COMMD1: variants seen among roughly 807,000 people sequenced by gnomAD.
COMMD1 encodes copper metabolism domain containing 1, also known as COMM domain-containing protein 1.
A neutral mutation model predicts 17.2 loss-of-function variants in COMMD1; 10 were observed. The observed-to-expected ratio is 0.58, with a 90% CI of 0.36 to 0.99. The LOEUF (loss-of-function observed/expected upper bound fraction) is 0.99, where lower values mean the gene tolerates loss of function less well. COMMD1 is among the 50% of genes least tolerant of loss of function. The pLI, the probability that COMMD1 is intolerant of heterozygous loss-of-function variation, is 0.01. For synonymous variants in COMMD1, 97 were observed against 91.6 expected (o/e 1.06, Z -0.34); for missense variants, 270 against 231.8 (o/e 1.17, Z -1.07).
chr2:62,114,491 T>A (rs1196490941), intron 2 of COMMD1, among the ~76,000 whole-genome samples: 1 of 152,230 alleles, frequency 6.6e-6, no homozygotes, highest in Non-Finnish European at 1.5e-5. Context: ...AATATTAAAA[T>A]TATCTCCCAA....
chr2:62,044,024 A>G (rs1670308026), intron 2 of COMMD1, among the ~76,000 whole-genome samples: 1 of 152,162 alleles, frequency 6.6e-6, no homozygotes, highest in Non-Finnish European at 1.5e-5. Flanking sequence ...CATTTTCCAC[A>G]CAAAAATCAT....
At chr2:62,082,764 G>A (rs966093337) in intron 2 of COMMD1, among the ~76,000 whole-genome samples, 1 of 152,102 alleles carries the variant, frequency 6.6e-6, no homozygotes, top group Non-Finnish European at 1.5e-5. Context: ...GGAGGCTGAG[G>A]CAGAAGAATT....
At chr2:61,984,043 A>T (rs1289689494) in intron 1 of COMMD1, among the ~76,000 whole-genome samples, 2 of 152,130 alleles carry the variant, frequency 1.3e-5, no homozygotes, top group Non-Finnish European at 2.9e-5. Context: ...CTGTTGTTTG[A>T]GACAGAGTCT....
At chr2:62,079,074 C>T (rs745461774) in intron 2 of COMMD1, among the ~76,000 whole-genome samples, 2 of 152,158 alleles carry the variant, frequency 1.3e-5, no homozygotes, top group African/African-American at 4.8e-5. Flanking sequence ...CAGTCTTTCA[C>T]GTTAAATTTT....
At chr2:62,035,640 T>G (rs1670017501) in intron 2 of COMMD1, among the ~76,000 whole-genome samples, 1 of 149,680 alleles carries the variant, frequency 6.7e-6, no homozygotes, top group South Asian at 2.1e-4. Flanking sequence ...TTGGGAGGCT[T>G]GGGTGGGAGG....
intron 2 of COMMD1, among the ~76,000 whole-genome samples, chr2:62,047,465 T>C (rs1042265839): frequency 6.6e-6 from 1 of 150,526 alleles, no homozygotes; most frequent in African/African-American, 2.5e-5. Context: ...TCTTTCTTTC[T>C]TCCTTTCTTT....
intron 1 of COMMD1, among the ~76,000 whole-genome samples, chr2:61,898,921 T>C (rs556819770): frequency 6.6e-6 from 1 of 152,330 alleles, no homozygotes; most frequent in South Asian, 2.1e-4. Flanking sequence ...TAAAACTTTG[T>C]ACTTGGATCC....
chr2:62,045,976 A>G lies in COMMD1; in HGVS notation c.462+44994A>G, dbSNP rs577522300. On this transcript the variant is annotated intron_variant, in intron 2 of 2. Transcript: ENST00000311832. Reference sequence around the variant, plus strand: ...GGTCTCAAACTCCTCATCTCAGGTGATCTGCCTGTCTTGGCCTCCCAAAGT... The same window carrying G: ...GGTCTCAAACTCCTCATCTCAGGTGGTCTGCCTGTCTTGGCCTCCCAAAGT... Among the ~76,000 whole-genome samples, 270 of 152,166 alleles carry G rather than the reference A, an allele frequency of 1.8e-3. 1 individual carries two copies. The highest frequency in any genetic ancestry group is 6.1e-3 in the African/African-American group (255 of 41,522).
chr2:62,104,912 G>C (rs1227910076), intron 2 of COMMD1, among the ~76,000 whole-genome samples: 1 of 151,934 alleles, frequency 6.6e-6, no homozygotes, highest in African/African-American at 2.4e-5. Context: ...GATCACCCGA[G>C]GTCAGGAGTT....
At chr2:62,049,068 C>G (rs1452868636) in intron 2 of COMMD1, among the ~76,000 whole-genome samples, 4 of 152,066 alleles carry the variant, frequency 2.6e-5, no homozygotes, top group Admixed American at 2.6e-4. Flanking sequence ...AATCACATTA[C>G]ATGCAATAGA....
chr2:61,934,615 C>G (rs190826137), intron 1 of COMMD1, among the ~76,000 whole-genome samples: 16 of 152,072 alleles, frequency 1.1e-4, no homozygotes, highest in Admixed American at 1.0e-3. Context: ...GAAAAAATTT[C>G]AATTAATTCA....
chr2:62,023,382 A>T (rs981496643), intron 2 of COMMD1, among the ~76,000 whole-genome samples: 4 of 152,126 alleles, frequency 2.6e-5, no homozygotes, highest in African/African-American at 9.7e-5. Flanking sequence ...AAAGAGAAAA[A>T]CTGAATGTGT....
intron 2 of COMMD1, among the ~76,000 whole-genome samples, chr2:62,019,060 TTC>T (rs1177842369): frequency 8.8e-5 from 10 of 113,028 alleles, no homozygotes; most frequent in African/African-American, 4.5e-4. Flanking sequence ...CTTCCTTTCT[TTC>T]TCTCTCTCTT....
intron 2 of COMMD1, among the ~76,000 whole-genome samples, chr2:62,068,620 CTTTT>C (rs67517468): frequency 1.1e-5 from 1 of 89,240 alleles, no homozygotes; most frequent in Non-Finnish European, 2.1e-5. Flanking sequence ...GTAGTATAAT[CTTTT>C]TTTTTTTTTT....
intron 1 of COMMD1, among the ~76,000 whole-genome samples, chr2:61,939,282 T>C (rs1221097311): frequency 7.0e-6 from 1 of 142,494 alleles, no homozygotes; most frequent in African/African-American, 2.7e-5. Flanking sequence ...TGAAACCCAG[T>C]CTCTACTAAA....
chr2:62,047,311 AG>A (rs1670408798), intron 2 of COMMD1, among the ~76,000 whole-genome samples: 1 of 152,184 alleles, frequency 6.6e-6, no homozygotes, highest in South Asian at 2.1e-4. Context: ...TACTTTATTT[AG>A]TGTAGTCTAA....
intron 2 of COMMD1, among the ~76,000 whole-genome samples, chr2:62,075,839 T>G (rs142839144): frequency 2.0e-5 from 3 of 152,208 alleles, no homozygotes; most frequent in African/African-American, 7.2e-5. Context: ...TTTCTTGACA[T>G]CTGATTTGTA....
In COMMD1 at chr2:62,000,919, G is replaced by A; in HGVS notation, c.399G>A (p.Arg133=). 3 of 1,614,160 alleles carry A rather than the reference G, an allele frequency of 1.9e-6. No homozygotes were observed. Among genetic ancestry groups the A allele is most frequent in the Non-Finnish European group, 2.5e-6 (3 of 1,180,028 alleles). Residue 133 remains arginine, a synonymous_variant, in exon 2 of 3, where the codon AGG becomes AGA. Coordinates refer to ENST00000311832, the MANE Select transcript of COMMD1 (RefSeq NM_152516.4). The stretch of plus-strand genomic sequence containing the variant: ...GAGTTGATGGCAAGTCTCAGTCAAG[G>A]CACTCAGCTCAAATACACACACCTG... ...SWRVDGKSQS[R]HSAQIHTPVA...
At chr2:62,065,950 A>G (rs1007130639) in intron 2 of COMMD1, among the ~76,000 whole-genome samples, 7 of 152,216 alleles carry the variant, frequency 4.6e-5, no homozygotes, top group Admixed American at 1.3e-4. Flanking sequence ...AGAGTGGGAA[A>G]TAGCTAGTCA....
Sources: gnomAD v4.1 joint callset for allele counts (sites outside exome capture counted in the v4.1 genomes callset) on GRCh38, gnomAD v4.1.1 for gene constraint, MANE v1.5 for transcripts, NCBI Gene and HGNC (gene_info 2026-07-23, HGNC 2026-07-21) for gene names.